The following KCNMA1 variants were observed in gnomAD, a reference collection of about 807,000 sequenced individuals.
KCNMA1 encodes Calcium-activated potassium channel subunit alpha-1.
Under a neutral mutation model 140.0 loss-of-function variants are expected in KCNMA1, and 29 were observed. The ratio of observed to expected loss-of-function variants is 0.21; its 90% CI spans 0.15 to 0.28. The LOEUF (loss-of-function observed/expected upper bound fraction) is 0.28. KCNMA1 is among the 10% of genes least tolerant of loss of function. The pLI, the probability that KCNMA1 is intolerant of heterozygous loss-of-function variation, is 1.00. For missense variants in KCNMA1, 880 were observed against 1,602.2 expected, an observed-to-expected ratio of 0.55 and a Z score of 7.70; for synonymous variants, 612 against 611.9, an observed-to-expected ratio of 1.00 and a Z score of 0.00.
intron 1 of KCNMA1, among the ~76,000 whole-genome samples, chr10:77,435,358 A>C (rs553795171): frequency 6.6e-6 from 1 of 152,230 alleles, no homozygotes; most frequent in African/African-American, 2.4e-5. Flanking sequence ...TTTCAAAATA[A>C]ATGCAAAACA....
chr10:77,629,549 T>C (rs1296720295), intron 1 of KCNMA1, among the ~76,000 whole-genome samples: 2 of 152,194 alleles, frequency 1.3e-5, no homozygotes, highest in Non-Finnish European at 2.9e-5. Context: ...GGAAAGAGCC[T>C]TCCAACATCT....
chr10:77,002,455 T>C (rs1189272027), intron 18 of KCNMA1, among the ~76,000 whole-genome samples: 1 of 152,242 alleles, frequency 6.6e-6, no homozygotes, highest in African/African-American at 2.4e-5. Flanking sequence ...ATCAGGCTAT[T>C]GGTTAATCAT....
At chr10:77,559,851 A>T (rs2619638) in intron 1 of KCNMA1, among the ~76,000 whole-genome samples, 1 of 152,038 alleles carries the variant, frequency 6.6e-6, no homozygotes, top group Non-Finnish European at 1.5e-5. Context: ...GCATTTAAGC[A>T]CCCTCAACTA....
chr10:77,501,218 G>A (rs2043768624), intron 1 of KCNMA1, among the ~76,000 whole-genome samples: 1 of 152,176 alleles, frequency 6.6e-6, no homozygotes, highest in Non-Finnish European at 1.5e-5. Context: ...CCTCCTCTTG[G>A]CATGGCCCTG....
intron 1 of KCNMA1, among the ~76,000 whole-genome samples, chr10:77,508,607 G>T (rs1467262380): frequency 4.1e-5 from 4 of 97,334 alleles, no homozygotes; most frequent in South Asian, 3.1e-4. Context: ...TTGTAGAGGT[G>T]CTCTCTCCCT....
intron 2 of KCNMA1, among the ~76,000 whole-genome samples, chr10:77,279,769 C>T (rs995258204): frequency 3.4e-4 from 51 of 152,094 alleles, no homozygotes; most frequent in Non-Finnish European, 1.3e-4. Context: ...CCATGCTGTT[C>T]TCATGATAAG....
chr10:77,587,319 T>C (rs2077535470), intron 1 of KCNMA1, among the ~76,000 whole-genome samples: 1 of 152,172 alleles, frequency 6.6e-6, no homozygotes. Context: ...TATAGGCTTA[T>C]GTAAACAGGC....
chr10:77,387,597 CT>C (rs1178763640), intron 2 of KCNMA1, among the ~76,000 whole-genome samples: 12 of 140,728 alleles, frequency 8.5e-5, no homozygotes, highest in African/African-American at 2.9e-4. Context: ...CTTTTCTTTT[CT>C]TTTCTTTTCT....
chr10:77,388,085 C>T (rs974515350), intron 2 of KCNMA1, among the ~76,000 whole-genome samples: 2 of 152,204 alleles, frequency 1.3e-5, no homozygotes, highest in African/African-American at 4.8e-5. Context: ...CTCTTCTAAT[C>T]CTTAAACACT....
chr10:76,991,261 T>C (rs753144406), intron 19 of KCNMA1, among the ~76,000 whole-genome samples: 3 of 152,234 alleles, frequency 2.0e-5, no homozygotes, highest in Non-Finnish European at 4.4e-5. Context: ...TCCTTGATTT[T>C]CCAGAGCAAA....
intron 3 of KCNMA1, among the ~76,000 whole-genome samples, chr10:77,226,500 A>C (rs527351846): frequency 1.6e-4 from 24 of 152,002 alleles, no homozygotes; most frequent in African/African-American, 5.3e-4. Flanking sequence ...CCCCTCAAGC[A>C]TGAGACAGCC....
intron 2 of KCNMA1, among the ~76,000 whole-genome samples, chr10:77,359,242 C>T (rs2093744038): frequency 6.6e-6 from 1 of 152,156 alleles, no homozygotes; most frequent in Non-Finnish European, 1.5e-5. Context: ...GGTGTGGAAG[C>T]ATGTGTTGGC....
chr10:76,991,162 G>A (rs1907721), intron 19 of KCNMA1, among the ~76,000 whole-genome samples: 37,720 of 152,108 alleles, frequency 0.25, 5,835 homozygotes, highest in East Asian at 0.58. Flanking sequence ...CATGAGCCCT[G>A]CCCAATGCAT....
At chr10:77,115,119 T>C (rs935077947) in intron 6 of KCNMA1, among the ~76,000 whole-genome samples, 8 of 152,200 alleles carry the variant, frequency 5.3e-5, no homozygotes, top group African/African-American at 1.9e-4. Context: ...TCTTCTTCTA[T>C]GGAAGAGCAC....
At chr10:77,113,082 TC>T (rs1392109636) in intron 6 of KCNMA1, among the ~76,000 whole-genome samples, 1 of 152,042 alleles carries the variant, frequency 6.6e-6, no homozygotes, top group African/African-American at 2.4e-5. Context: ...TTTTTTATTT[TC>T]CCCCCAGACC....
At chr10:76,945,059 G>A (rs2063550680) in intron 22 of KCNMA1, 94 bp from the exon 23 acceptor site, 1 of 1,038,958 alleles carries the variant, frequency 9.6e-7, no homozygotes, top group Non-Finnish European at 1.5e-6. Flanking sequence ...GAGGGAAAGA[G>A]GAAAACAAAT....
intron 2 of KCNMA1, among the ~76,000 whole-genome samples, chr10:77,295,364 G>A (rs1157350285): frequency 6.6e-6 from 1 of 151,682 alleles, no homozygotes; most frequent in Non-Finnish European, 1.5e-5. Context: ...AAAAAAGAGA[G>A]TAGTGTGAAA....
chr10:77,135,214 T>C (rs1028353965), intron 5 of KCNMA1, among the ~76,000 whole-genome samples: 1 of 151,908 alleles, frequency 6.6e-6, no homozygotes, highest in African/African-American at 2.4e-5. Flanking sequence ...AAAGAAGAAA[T>C]GCAAATAGCC....
At chr10:77,488,595 C>T (rs1296546683) in intron 1 of KCNMA1, among the ~76,000 whole-genome samples, 2 of 152,170 alleles carry the variant, frequency 1.3e-5, no homozygotes, top group African/African-American at 2.4e-5. Flanking sequence ...TCAGCAGCAG[C>T]TCTGTGGGTG....
Sources: allele counts gnomAD v4.1 joint callset (sites outside exome capture counted in the v4.1 genomes callset), GRCh38; gene constraint gnomAD v4.1.1; transcripts MANE v1.5; gene names NCBI Gene and HGNC (gene_info 2026-07-23, HGNC 2026-07-21).